The following CNTNAP2 variants were observed in gnomAD, a reference collection of about 807,000 sequenced individuals.
CNTNAP2 encodes the protein contactin associated protein 2.
In CNTNAP2, 98 loss-of-function variants were observed where a neutral mutation model predicts 155.2. The observed-to-expected ratio is 0.63, with a 90% confidence interval of 0.54 to 0.75. The LOEUF (loss-of-function observed/expected upper bound fraction) is 0.75, where lower values mean the gene tolerates loss of function less well. CNTNAP2 is among the 30% of genes least tolerant of loss of function. The pLI is 0.00. For missense variants in CNTNAP2, 1,727 were observed against 1,688.1 expected, an observed-to-expected ratio of 1.02 and a Z score of -0.40; for synonymous variants, 651 against 631.2, an observed-to-expected ratio of 1.03 and a Z score of -0.47.
chr7:146,148,995 C>A, intron 1 of CNTNAP2, among the ~76,000 whole-genome samples: 1 of 143,888 alleles, frequency 6.9e-6, no homozygotes, highest in African/African-American at 2.6e-5. Flanking sequence ...AACACTTGGA[C>A]ACAGGAAGGG....
chr7:146,911,205 G>A (rs1383482024), intron 3 of CNTNAP2, among the ~76,000 whole-genome samples: 2 of 152,074 alleles, frequency 1.3e-5, no homozygotes, highest in African/African-American at 2.4e-5. Context: ...TACACTGTTG[G>A]TGGGACTGTA....
At chr7:147,345,418 T>C (rs1439748867) in intron 9 of CNTNAP2, among the ~76,000 whole-genome samples, 1 of 152,220 alleles carries the variant, frequency 6.6e-6, no homozygotes, top group East Asian at 1.9e-4. Context: ...AATTATAAAA[T>C]GAATGTCCTT....
At chr7:147,011,569 A>G (rs77295280) in intron 3 of CNTNAP2, among the ~76,000 whole-genome samples, 8,539 of 152,134 alleles carry the variant, frequency 0.056, 319 homozygotes, top group Middle Eastern at 0.13. Flanking sequence ...TCAGAAAACC[A>G]TACTCAAAAG....
At position 147,801,818 on chromosome 7, in the gene CNTNAP2, T is replaced by C. The variant is rs527645255; in HGVS notation, c.2099-101747T>C. ...CAAAACCGCCATTGTCATCATGGCC[T>C]GTTCTCAATGACCTGCTGGGCACAC... is the stretch of plus-strand genomic sequence containing the variant. On this transcript the variant is annotated intron_variant, in intron 13 of 23. Coordinates refer to ENST00000361727, the MANE Select transcript of CNTNAP2 (RefSeq NM_014141.6). Among the ~76,000 whole-genome samples, 778 of 152,102 alleles carry C rather than the reference T, an allele frequency of 5.1e-3. 5 individuals carry two copies. The highest frequency in any genetic ancestry group is 6.7e-3 in the African/African-American group (280 of 41,502).
At chr7:147,761,462 G>T (rs562919124) in intron 13 of CNTNAP2, among the ~76,000 whole-genome samples, 1 of 152,036 alleles carries the variant, frequency 6.6e-6, no homozygotes, top group East Asian at 1.9e-4. Context: ...AGAAAGCCCC[G>T]AAGTGCCTGT....
In CNTNAP2 at chr7:147,176,611, A is replaced by G. The variant is rs1000007898; in HGVS notation, c.1348+44102A>G. Among the ~76,000 whole-genome samples, 6 of 144,510 alleles carry G rather than the reference A, an allele frequency of 4.2e-5. No individual in the cohort carries two copies. The Admixed American group carries it at 4.3e-4, about 10-fold the overall frequency. The allele number at this position is 144,510 out of a possible 152,430, so 94.8% of individuals were successfully genotyped here. The stretch of plus-strand genomic sequence containing the variant: ...GATTATATCTTATATACATATGTAT[A>G]ATATACTTACATACACACGTATAAT... On this transcript the variant is annotated intron_variant, in intron 8 of 23. Coordinates refer to ENST00000361727, the MANE Select transcript of CNTNAP2 (RefSeq NM_014141.6).
At chr7:147,672,643 G>A (rs988149678) in intron 13 of CNTNAP2, 1 of 152,150 alleles carries the variant, frequency 6.6e-6, no homozygotes, top group African/African-American at 2.4e-5. Context: ...TGAAATATAG[G>A]TGTCAAGCAC....
intron 12 of CNTNAP2, among the ~76,000 whole-genome samples, chr7:147,599,303 C>G (rs1207936198): frequency 1.3e-5 from 2 of 151,360 alleles, no homozygotes; most frequent in Non-Finnish European, 2.9e-5. Flanking sequence ...ATGGAGAAAC[C>G]CTGTCTCTAC....
intron 1 of CNTNAP2, among the ~76,000 whole-genome samples, chr7:146,328,515 C>CTGTG (rs36098013): frequency 0.015 from 2,210 of 147,172 alleles, 27 homozygotes; most frequent in African/African-American, 0.035. Context: ...ACTTAGCGAC[C>CTGTG]TGTGTGTGTG....
At chr7:147,990,232 A>G (rs745584600) in intron 15 of CNTNAP2, among the ~76,000 whole-genome samples, 14 of 152,222 alleles carry the variant, frequency 9.2e-5, no homozygotes, top group Admixed American at 2.6e-4. Context: ...AAGAGCTTGC[A>G]TGTCCTCTCC....
chr7:147,511,694 G>T (rs2116690502), intron 11 of CNTNAP2, among the ~76,000 whole-genome samples: 1 of 152,090 alleles, frequency 6.6e-6, no homozygotes, highest in South Asian at 2.1e-4. Flanking sequence ...AGTATTTAAT[G>T]GCATCCAATC....
rs189207274 is a variant in CNTNAP2 at position 147,548,391 on chromosome 7, G to A, written c.1778-13747G>A. ...GCTTTTTTTCATATGTTTGTTGGGA[G>A]CCTAAATGTCTTCTTTTGAAAAGTG... On this transcript the variant is annotated intron_variant, in intron 11 of 23. Coordinates refer to ENST00000361727, the MANE Select transcript of CNTNAP2 (RefSeq NM_014141.6). Among the ~76,000 whole-genome samples the A allele has an allele frequency of 8.5e-5, 13 of 152,242 alleles. 1 individual carries two copies. In the East Asian group the frequency reaches 2.5e-3, roughly 29 times the overall value.
At chr7:147,490,165 A>G (rs771295891) in intron 11 of CNTNAP2, among the ~76,000 whole-genome samples, 18 of 152,166 alleles carry the variant, frequency 1.2e-4, no homozygotes, top group Non-Finnish European at 1.8e-4. Flanking sequence ...GCCCAAATAT[A>G]TAGACGTAAT....
chr7:147,537,291 T>TTACTC (rs141772951), intron 11 of CNTNAP2, among the ~76,000 whole-genome samples: 73,346 of 151,618 alleles, frequency 0.48, 17,842 homozygotes, highest in East Asian at 0.61. Flanking sequence ...ATTATTTTGA[T>TTACTC]TATTAAGCAT....
rs558848274 is a variant in CNTNAP2 at position 147,827,192 on chromosome 7, A to G, written c.2099-76373A>G. 1.8e-4 allele frequency among the ~76,000 whole-genome samples: 28 copies of G among 152,322 alleles called. No individual in the cohort carries two copies. In the South Asian group the frequency reaches 5.0e-3, roughly 27 times the overall value. On this transcript the variant is annotated intron_variant, in intron 13 of 23. Coordinates refer to ENST00000361727, the MANE Select transcript of CNTNAP2 (RefSeq NM_014141.6). ...TAAGGACTGAAATCCCTTCTATAAT[A>G]ACTTTAGTAATTACTCACTGTTGAT...
intron 9 of CNTNAP2, among the ~76,000 whole-genome samples, chr7:147,373,791 G>C (rs1433822342): frequency 2.0e-5 from 3 of 151,442 alleles, no homozygotes; most frequent in African/African-American, 7.3e-5. Flanking sequence ...TTTGTTTTTT[G>C]CTTGTTGGTT....
intron 21 of CNTNAP2, among the ~76,000 whole-genome samples, chr7:148,352,157 T>G (rs1335533548): frequency 1.3e-5 from 2 of 152,218 alleles, no homozygotes; most frequent in Admixed American, 6.5e-5. Context: ...TGGATGCCGC[T>G]GAAGGGTTTT....
intron 9 of CNTNAP2, among the ~76,000 whole-genome samples, chr7:147,321,087 A>G (rs749281021): frequency 2.0e-5 from 3 of 152,222 alleles, no homozygotes; most frequent in Non-Finnish European, 4.4e-5. Context: ...CCTGTTGACT[A>G]TTCTTTTTCA....
chr7:147,184,527 A>G (rs913615902), intron 8 of CNTNAP2, among the ~76,000 whole-genome samples: 1 of 152,316 alleles, frequency 6.6e-6, no homozygotes, highest in East Asian at 1.9e-4. Context: ...GGTAAAGAAC[A>G]AAATGACTGA....
Sources: allele counts gnomAD v4.1 joint callset (sites outside exome capture counted in the v4.1 genomes callset), GRCh38; gene constraint gnomAD v4.1.1; transcripts MANE v1.5; gene names NCBI Gene and HGNC (gene_info 2026-07-23, HGNC 2026-07-21).